GNAQ: variants seen among roughly 807,000 people sequenced by gnomAD.
GNAQ encodes guanine nucleotide-binding protein G(q) subunit alpha.
Under a neutral mutation model 43.9 loss-of-function variants are expected in GNAQ, and 8 were observed. The ratio of observed to expected loss-of-function variants is 0.18; its 90% CI spans 0.11 to 0.33. The LOEUF (loss-of-function observed/expected upper bound fraction) is 0.33, where lower values mean the gene tolerates loss of function less well. Ranked by LOEUF, GNAQ falls within the 10% of genes least tolerant of loss-of-function variation. GNAQ has a pLI of 1.00. For missense variants in GNAQ, 158 were observed against 450.8 expected, an observed-to-expected ratio of 0.35 and a Z score of 5.88; for synonymous variants, 155 against 170.7, an observed-to-expected ratio of 0.91 and a Z score of 0.71.
chr9:77,865,300 T>C (rs1827929877), intron 2 of GNAQ, among the ~76,000 whole-genome samples: 1 of 152,256 alleles, frequency 6.6e-6, no homozygotes, highest in South Asian at 2.1e-4. Flanking sequence ...ACATGTGACT[T>C]ACAGTACTAT....
At chr9:77,890,239 A>G (rs944039468) in intron 2 of GNAQ, among the ~76,000 whole-genome samples, 4 of 152,202 alleles carry the variant, frequency 2.6e-5, no homozygotes, top group Non-Finnish European at 5.9e-5. Flanking sequence ...AATCCTCCAC[A>G]GTACTTCTTC....
intron 3 of GNAQ, among the ~76,000 whole-genome samples, chr9:77,811,311 T>C (rs1377284069): frequency 6.9e-6 from 1 of 144,208 alleles, no homozygotes; most frequent in Non-Finnish European, 1.5e-5. Flanking sequence ...ATTATAAAGA[T>C]ATGAAGATAT....
At chr9:77,916,262 T>C (rs906223649) in intron 2 of GNAQ, among the ~76,000 whole-genome samples, 1 of 152,192 alleles carries the variant, frequency 6.6e-6, no homozygotes, top group African/African-American at 2.4e-5. Flanking sequence ...TTCAGAGGGG[T>C]AGATAAGAAT....
chr9:77,948,874 G>A (rs1822939512), intron 1 of GNAQ, among the ~76,000 whole-genome samples: 1 of 152,078 alleles, frequency 6.6e-6, no homozygotes, highest in Non-Finnish European at 1.5e-5. Flanking sequence ...TCTGCCCCTA[G>A]ATACTTTCCA....
chr9:77,869,887 T>A (rs960690306), intron 2 of GNAQ, among the ~76,000 whole-genome samples: 3 of 152,202 alleles, frequency 2.0e-5, no homozygotes, highest in Admixed American at 2.0e-4. Context: ...TCTGACAATA[T>A]TTAGAATTTT....
intron 1 of GNAQ, among the ~76,000 whole-genome samples, chr9:77,985,835 G>A (rs1336453605): frequency 6.6e-6 from 1 of 152,120 alleles, no homozygotes; most frequent in South Asian, 2.1e-4. Context: ...TGATCCACCC[G>A]CTTCAGCCTC....
chr9:77,790,054 G>C (rs1345719335), intron 5 of GNAQ, among the ~76,000 whole-genome samples: 2 of 152,226 alleles, frequency 1.3e-5, no homozygotes, highest in South Asian at 4.1e-4. Flanking sequence ...AGAGGAAAGA[G>C]GTTAAATATT....
intron 1 of GNAQ, among the ~76,000 whole-genome samples, chr9:77,926,479 G>T (rs1277365362): frequency 6.6e-6 from 1 of 152,150 alleles, no homozygotes; most frequent in Non-Finnish European, 1.5e-5. Flanking sequence ...TCTTTTCACA[G>T]CATAGGGCAA....
At chr9:78,006,703 CAT>C (rs754978284) in intron 1 of GNAQ, among the ~76,000 whole-genome samples, 4 of 152,124 alleles carry the variant, frequency 2.6e-5, no homozygotes, top group Non-Finnish European at 5.9e-5. Flanking sequence ...GAGTTGTTTT[CAT>C]ATGTGTGTTT....
intron 2 of GNAQ, among the ~76,000 whole-genome samples, chr9:77,861,477 A>G (rs1827850294): frequency 6.6e-6 from 1 of 152,216 alleles, no homozygotes; most frequent in South Asian, 2.1e-4. Context: ...ATCTGAGAGA[A>G]GGCAAGTCCC....
At chr9:77,753,934 T>C (rs1372097919) in intron 5 of GNAQ, among the ~76,000 whole-genome samples, 1 of 152,188 alleles carries the variant, frequency 6.6e-6, no homozygotes, top group Non-Finnish European at 1.5e-5. Flanking sequence ...TAAAATCACT[T>C]TCTCTTGTTT....
intron 2 of GNAQ, among the ~76,000 whole-genome samples, chr9:77,853,506 T>C (rs1233092036): frequency 2.6e-5 from 4 of 152,048 alleles, no homozygotes; most frequent in Admixed American, 1.3e-4. Context: ...AACCATTCAC[T>C]ATGAAAGAAA....
intron 5 of GNAQ, among the ~76,000 whole-genome samples, chr9:77,758,777 G>C (rs1825942960): frequency 2.0e-5 from 3 of 152,082 alleles, no homozygotes. Flanking sequence ...TAAAGAGCTT[G>C]AGTAATTTTC....
At chr9:78,023,212 C>T (rs764989977) in intron 1 of GNAQ, among the ~76,000 whole-genome samples, 1 of 152,178 alleles carries the variant, frequency 6.6e-6, no homozygotes, top group Non-Finnish European at 1.5e-5. Flanking sequence ...TTTTGCTTTA[C>T]GGACCAGAGT....
intron 2 of GNAQ, among the ~76,000 whole-genome samples, chr9:77,861,657 G>T (rs1587370529): frequency 6.6e-6 from 1 of 152,244 alleles, no homozygotes; most frequent in East Asian, 1.9e-4. Context: ...AATCTTAAAG[G>T]TCCAAAATGA....
chr9:77,836,515 G>C (rs1036600780), intron 2 of GNAQ, among the ~76,000 whole-genome samples: 15 of 151,874 alleles, frequency 9.9e-5, no homozygotes, highest in Admixed American at 6.6e-5. Context: ...AAGCAAACCA[G>C]GTTCTAGGGA....
In GNAQ at chr9:77,965,493, A is replaced by G. The variant is rs549557915; in HGVS notation, c.137-43148T>C. ...ACAGACTTGTATCCAGAAAATATTA[A>G]TACACAAAAAAAATAAGAAATCAAG... On this transcript the variant is annotated intron_variant, in intron 1 of 6. Coordinates refer to ENST00000286548, the MANE Select transcript of GNAQ (RefSeq NM_002072.5). Among the ~76,000 whole-genome samples, 16 of 152,306 alleles carry G rather than the reference A, an allele frequency of 1.1e-4. No homozygotes were observed. The South Asian group carries it at 3.3e-3, about 32-fold the overall frequency.
rs117800037 is a variant in GNAQ, at chr9:78,018,659, C to T, written c.136+12441G>A. On this transcript the variant is annotated intron_variant, in intron 1 of 6. Coordinates refer to ENST00000286548, the MANE Select transcript of GNAQ (RefSeq NM_002072.5). ...TTGGACTGTCTATTAAGCACAATAGCTTTTCTCCTTACCAAACTTTTTTTT... is the reference window on the plus strand; with the variant it reads ...TTGGACTGTCTATTAAGCACAATAGTTTTTCTCCTTACCAAACTTTTTTTT... Among the ~76,000 whole-genome samples, 1,452 of 152,162 alleles carry T rather than the reference C, an allele frequency of 9.5e-3. 79 individuals are homozygous for T. In the South Asian group the frequency reaches 0.13, roughly 14 times the overall value.
At chr9:77,746,193 A>G (rs1478773627) in intron 5 of GNAQ, among the ~76,000 whole-genome samples, 1 of 152,176 alleles carries the variant, frequency 6.6e-6, no homozygotes, top group African/African-American at 2.4e-5. Context: ...ATGGAATTTA[A>G]AAATTATTCC....
Sources: allele counts gnomAD v4.1 joint callset (sites outside exome capture counted in the v4.1 genomes callset), GRCh38; gene constraint gnomAD v4.1.1; transcripts MANE v1.5; gene names NCBI Gene and HGNC (gene_info 2026-07-23, HGNC 2026-07-21).